Variants in RNF213 observed in about 807,000 individuals in gnomAD.
The protein encoded by RNF213 is E3 ubiquitin-protein ligase RNF213.
In RNF213, 341 loss-of-function variants were observed where a neutral mutation model predicts 514.4. The ratio of observed to expected loss-of-function variants is 0.66; its 90% CI spans 0.61 to 0.73. The LOEUF (loss-of-function observed/expected upper bound fraction) is 0.73, where lower values mean the gene tolerates loss of function less well. Among genes scored for constraint, RNF213 ranks in the 30% least tolerant of loss-of-function variants. RNF213 has a pLI of 0.00. For missense variants in RNF213, 5,767 were observed against 6,615.6 expected, an observed-to-expected ratio of 0.87 and a Z score of 4.45; for synonymous variants, 2,655 against 2,658.2, an observed-to-expected ratio of 1.00 and a Z score of 0.04.
chr17:80,306,745 A>G (rs923720930), intron 12 of RNF213, among the ~76,000 whole-genome samples: 3 of 151,740 alleles, frequency 2.0e-5, no homozygotes, highest in Admixed American at 1.3e-4. Flanking sequence ...CCAGCTACTC[A>G]GGAGGCTGAG....
intron 6 of RNF213, 85 bp downstream of exon 6, chr17:80,289,922 C>A: frequency 7.1e-7 from 1 of 1,401,826 alleles, no homozygotes. Context: ...CAGGGGATAT[C>A]CAGGCTGCCC....
chr17:80,386,663 G>A (rs372618476), intron 62 of RNF213, 27 bp from the exon 63 acceptor site: 142 of 1,611,912 alleles, frequency 8.8e-5, no homozygotes, highest in Non-Finnish European at 1.2e-4. Flanking sequence ...TGGCCTGGAC[G>A]CTGAGCGCTG....
intron 26 of RNF213, chr17:80,341,412 C>T (rs1218456303): frequency 1.3e-5 from 2 of 152,212 alleles, no homozygotes; most frequent in African/African-American, 2.4e-5. Flanking sequence ...TGACTTTATC[C>T]TATCAACAGT....
Position 80,288,408 on chromosome 17 carries a change from C to T in RNF213, c.810+45C>T, listed in dbSNP as rs573884997. The stretch of plus-strand genomic sequence containing the variant: ...TGGCCTGGGAGTGGCACTGAGCCCT[C>T]GGCACCTGGGCTCTGCTGCAAGGTG... On this transcript the variant is annotated intron_variant, in intron 4 of 67. Transcript: ENST00000582970. The surrounding 1 kb of genome is among the most constrained non-coding windows in gnomAD (Gnocchi z 4.9). The T allele has an allele frequency of 1.0e-4, 160 of 1,605,922 alleles. 4 individuals carry two copies. The South Asian group carries it at 1.4e-3, about 14-fold the overall frequency.
Position 80,351,746 on chromosome 17 carries a change from T to G in RNF213, c.10246T>G (p.Phe3416Val). 6.2e-7 allele frequency: 1 copy of G among 1,613,560 alleles called. No homozygotes were observed. The highest frequency in any genetic ancestry group is 8.5e-7 in the Non-Finnish European group (1 of 1,179,480). ...AAATGAGGACCGTATCTTCGTCTAT[T>G]TCATCACAAAACTGTCCCGGGTGGG... ...RENEDRIFVY[F>V]ITKLSRVGRG... Residue 3416 changes from phenylalanine (F) to valine (V), a missense_variant, in exon 32 of 68, where the codon TTC (phenylalanine) becomes GTC (valine). Around this residue, in one of 13 missense-constraint regions of RNF213, gnomAD observed 919 missense variants for 1,121.0 expected, o/e 0.82. Transcript: ENST00000582970.
At chr17:80,287,757 C>T in intron 3 of RNF213, 58 bp from the exon 4 acceptor site, 1 of 1,578,424 alleles carries the variant, frequency 6.3e-7, no homozygotes, top group Non-Finnish European at 8.7e-7. Context: ...TGGAGGGAAA[C>T]ACGGGCTAGA....
intron 18 of RNF213, among the ~76,000 whole-genome samples, chr17:80,326,661 G>A (rs2046289802): frequency 6.6e-6 from 1 of 152,124 alleles, no homozygotes; most frequent in Admixed American, 6.5e-5. Context: ...ATAGGATGTC[G>A]CCTTTAGACT....
intron 11 of RNF213, among the ~76,000 whole-genome samples, chr17:80,299,049 C>T (rs776961498): frequency 2.0e-5 from 3 of 152,128 alleles, no homozygotes; most frequent in Non-Finnish European, 4.4e-5. Context: ...GTTGTTAGCA[C>T]GGTGGCATAC....
intron 11 of RNF213, among the ~76,000 whole-genome samples, chr17:80,305,667 A>G (rs2045332908): frequency 1.3e-5 from 2 of 150,084 alleles, no homozygotes; most frequent in South Asian, 2.1e-4. Context: ...GCTGGAGTGC[A>G]GTGGCGTGAT....
At position 80,288,069 on chromosome 17, in the gene RNF213, C is replaced by A; in HGVS notation, c.516C>A (p.Ser172Arg). The stretch of plus-strand genomic sequence containing the variant: ...CCGCGCCCACCGAGGTTGGCGACAG[C>A]CCCCTGCAGGCCCAGGCTTTGGGAG... ...GLSAPTEVGDSPLQAQALGEA... is the reference protein window; with the variant it reads ...GLSAPTEVGDRPLQAQALGEA... The change falls in exon 4 of 68, where the codon AGC becomes AGA. Residue 172 changes from serine (S) to arginine (R), a missense_variant. Ser to Arg is a moderately radical substitution (Grantham distance 110). Around this residue, in one of 13 missense-constraint regions of RNF213, gnomAD observed 509 missense variants for 496.7 expected, o/e 1.02. Transcript: ENST00000582970. This position sits in a 1 kb window ranked among gnomAD's most constrained non-coding sequence, Gnocchi z 4.9. 6.2e-7 allele frequency: 1 copy of A among 1,608,334 alleles called. No individual in the cohort carries two copies. The highest frequency in any genetic ancestry group is 8.5e-7 in the Non-Finnish European group (1 of 1,176,724).
In RNF213 at chr17:80,380,835, A is replaced by C. The variant is rs932426960; in HGVS notation, c.13645A>C (p.Lys4549Gln). Reference sequence around the variant, plus strand: ...GTGTTCTCTCGTTCTTTCCAGAGACAAGGCAGACAGAACGCAGACCGGCCA... The same window carrying C: ...GTGTTCTCTCGTTCTTTCCAGAGACCAGGCAGACAGAACGCAGACCGGCCA... ...PRDGFHLVKDKADRTQTGHVL... is the reference protein window; with the variant it reads ...PRDGFHLVKDQADRTQTGHVL... Residue 4549 changes from lysine (K) to glutamine (Q), a missense_variant, in exon 56 of 68, where the codon AAG (lysine) becomes CAG (glutamine). Around this residue, in one of 13 missense-constraint regions of RNF213, gnomAD observed 1,245 missense variants for 1,339.0 expected, o/e 0.93. Coordinates refer to ENST00000582970, the MANE Select transcript of RNF213 (RefSeq NM_001256071.3). 6.2e-7 allele frequency: 1 copy of C among 1,614,134 alleles called. No homozygotes were observed. Among genetic ancestry groups the C allele is most frequent in the Non-Finnish European group, 8.5e-7 (1 of 1,180,052 alleles).
chr17:80,340,609 GTTTTTTTTTTT>G lies in RNF213; in HGVS notation c.5989+272_5989+282del, dbSNP rs747785477. On this transcript the variant is annotated intron_variant, in intron 26 of 67. Transcript: ENST00000582970. ...AAACATCTCTGCAGTGTACTTTGTG[GTTTTTTTTTTT>G]TTTTTTTTTTTTTTTTTTGAGACAG... 1.7e-4 allele frequency: 22 copies of G among 130,152 alleles called. No homozygotes were observed. The East Asian group carries it at 3.2e-3, about 19-fold the overall frequency. 8.1% of individuals were successfully genotyped at this position (130,152 alleles called of 1,614,324 possible).
intron 13 of RNF213, 90 bp downstream of exon 13, chr17:80,307,291 C>A: frequency 9.9e-7 from 1 of 1,007,498 alleles, no homozygotes; most frequent in Non-Finnish European, 1.6e-6. Flanking sequence ...CCCACATGTG[C>A]TGTTGTAACA....
In RNF213 at chr17:80,346,180, C is replaced by T. The variant is rs1248491659; in HGVS notation, c.7845C>T (p.Ile2615=). 1 of 1,614,158 alleles carries T rather than the reference C, an allele frequency of 6.2e-7. No homozygotes were observed. The highest frequency in any genetic ancestry group is 2.2e-5 in the East Asian group (1 of 44,890). The change falls in exon 29 of 68, where the codon ATC becomes ATT. Residue 2615 remains isoleucine (I), a synonymous_variant. Coordinates refer to ENST00000582970, the MANE Select transcript of RNF213 (RefSeq NM_001256071.3). The surrounding 1 kb of genome is among the most constrained non-coding windows in gnomAD (Gnocchi z 8.1). ...TAGATGAAAACGGGACTCGCGTGAT[C>T]ACAGAAGTCCTCTGCGCCTCTCAGG... ...ISLDENGTRV[I]TEVLCASQGF... is the part of the protein sequence containing the mutation.
At chr17:80,298,198 G>A in intron 10 of RNF213, 123 bp from the exon 11 acceptor site, 2 of 1,000,434 alleles carry the variant, frequency 2.0e-6, no homozygotes, top group Non-Finnish European at 3.0e-6. Context: ...ACTCTGCTCA[G>A]CCACGCGCGG....
intron 3 of RNF213, among the ~76,000 whole-genome samples, chr17:80,276,171 G>T (rs1167616783): frequency 6.6e-6 from 1 of 151,580 alleles, no homozygotes; most frequent in Non-Finnish European, 1.5e-5. Context: ...CGTGACCTTG[G>T]CTCACAGCAA....
rs1053059256 is a variant in RNF213 at position 80,347,115 on chromosome 17, G to A, written c.8780G>A (p.Arg2927Gln). ...ICSSDILVQD[R>Q]VQGYFASFAK... ...TCCTCAGACATCCTCGTCCAGGACCGAGTCCAAGGGTACTTTGCGTCCTTT... is the reference window on the plus strand; with the variant it reads ...TCCTCAGACATCCTCGTCCAGGACCAAGTCCAAGGGTACTTTGCGTCCTTT... The change falls in exon 29 of 68, where the codon CGA becomes CAA. Residue 2927 changes from arginine to glutamine, a missense_variant. This residue lies in a region of RNF213 where 919 missense variants were observed against 1,121.0 expected (regional missense o/e 0.82). Transcript: ENST00000582970. This position sits in a 1 kb window ranked among gnomAD's most constrained non-coding sequence, Gnocchi z 7.2. 8 of 1,613,940 alleles carry A rather than the reference G, an allele frequency of 5.0e-6. No homozygotes were observed. Among genetic ancestry groups the A allele is most frequent in the South Asian group, 2.2e-5 (2 of 91,078 alleles).
chr17:80,386,670 GCTGT>G lies in RNF213; in HGVS notation c.14721-17_14721-14del, dbSNP rs1406972793. 5.0e-6 allele frequency: 8 copies of G among 1,613,142 alleles called. No homozygotes were observed. Among genetic ancestry groups the G allele is most frequent in the Non-Finnish European group, 6.8e-6 (8 of 1,179,212 alleles). ...CGCATGCCTGGCCTGGACGCTGAGC[GCTGT>G]CTTTCTGCCCCTCAGCTATTCCGTG... On this transcript the variant is annotated splice_polypyrimidine_tract_variant and intron_variant, in intron 62 of 67. Transcript: ENST00000582970.
chr17:80,381,544 C>T lies in RNF213; in HGVS notation c.13798-3C>T, dbSNP rs375665654. 1.9e-6 allele frequency: 3 copies of T among 1,614,144 alleles called. No homozygotes were observed. Among genetic ancestry groups the T allele is most frequent in the Non-Finnish European group, 2.5e-6 (3 of 1,180,000 alleles). ...TGAACACTCTGTTCCGTTGCCCCCA[C>T]AGGCTCTGATAAACATCATTAAGCC... is the stretch of plus-strand genomic sequence containing the variant. On this transcript the variant is annotated splice_polypyrimidine_tract_variant and splice_region_variant and intron_variant, in intron 56 of 67. Coordinates refer to ENST00000582970, the MANE Select transcript of RNF213 (RefSeq NM_001256071.3).
Sources: gnomAD v4.1 joint callset for allele counts (sites outside exome capture counted in the v4.1 genomes callset) on GRCh38, gnomAD v4.1.1 for gene constraint, gnomAD v4.1.1 regional missense constraint, Gnocchi (gnomAD v3.1) non-coding constraint, MANE v1.5 for transcripts, NCBI Gene and HGNC (gene_info 2026-07-23, HGNC 2026-07-21) for gene names.